GALK2: variants seen among roughly 807,000 people sequenced by gnomAD.
The protein encoded by GALK2 is N-acetylgalactosamine kinase.
Under a neutral mutation model 52.4 loss-of-function variants are expected in GALK2, and 36 were observed. The ratio of observed to expected loss-of-function variants is 0.69; its 90% CI spans 0.53 to 0.91. GALK2 has a LOEUF of 0.91. Ranked by LOEUF, GALK2 falls within the 40% of genes least tolerant of loss-of-function variation. The pLI is 0.00. For synonymous variants in GALK2, 176 were observed against 199.1 expected, an observed-to-expected ratio of 0.88 and a Z score of 0.98; for missense variants, 579 against 559.1, an observed-to-expected ratio of 1.04 and a Z score of -0.36.
chr15:49,218,347 T>A (rs1329382901), intron 3 of GALK2, among the ~76,000 whole-genome samples: 1 of 152,198 alleles, frequency 6.6e-6, no homozygotes, highest in Non-Finnish European at 1.5e-5. Context: ...GTATGAACAT[T>A]TAAAAATCGG....
At chr15:49,171,953 G>T (rs541764570) in intron 1 of GALK2, among the ~76,000 whole-genome samples, 184 of 151,944 alleles carry the variant, frequency 1.2e-3, no homozygotes, top group Non-Finnish European at 2.1e-3. Flanking sequence ...TTGTGTTTTT[G>T]GTAGAGACGG....
chr15:49,275,535 G>A (rs779375888), intron 5 of GALK2, among the ~76,000 whole-genome samples: 4 of 152,134 alleles, frequency 2.6e-5, no homozygotes, highest in Non-Finnish European at 4.4e-5. Context: ...TATGGCAGCT[G>A]ACTATAACAG....
chr15:49,335,577 G>T, downstream of GALK2: 1 of 965,664 alleles, frequency 1.0e-6, no homozygotes, highest in African/African-American at 1.6e-5. Context: ...AGGAACCAAG[G>T]GGACCGTGTG....
chr15:49,208,746 T>A (rs1266671056), intron 2 of GALK2, among the ~76,000 whole-genome samples: 1 of 152,200 alleles, frequency 6.6e-6, no homozygotes, highest in East Asian at 1.9e-4. Flanking sequence ...GTGCTGTCAG[T>A]GGAGTATTGA....
At chr15:49,178,613 G>A (rs557270168) in intron 1 of GALK2, 17 of 227,708 alleles carry the variant, frequency 7.5e-5, no homozygotes, top group African/African-American at 3.5e-4. Context: ...TTTGGGCTGG[G>A]TGGGATGTGG....
At chr15:49,308,884 G>A (rs918354735) in intron 8 of GALK2, among the ~76,000 whole-genome samples, 2 of 152,228 alleles carry the variant, frequency 1.3e-5, no homozygotes, top group Non-Finnish European at 2.9e-5. Flanking sequence ...GATGGCAGCA[G>A]CCATAGTTTT....
At chr15:49,206,377 T>G (rs548620645) in intron 2 of GALK2, among the ~76,000 whole-genome samples, 95 of 152,136 alleles carry the variant, frequency 6.2e-4, no homozygotes, top group Non-Finnish European at 1.3e-3. Flanking sequence ...TGGTGGTATT[T>G]TGATGGGGAC....
At chr15:49,325,978 C>T (rs2037411440) in intron 9 of GALK2, among the ~76,000 whole-genome samples, 1 of 152,170 alleles carries the variant, frequency 6.6e-6, no homozygotes, top group African/African-American at 2.4e-5. Flanking sequence ...TGAAAAACCA[C>T]AGCTTTCAAA....
intron 8 of GALK2, among the ~76,000 whole-genome samples, chr15:49,314,572 A>G (rs1478103205): frequency 6.6e-6 from 1 of 152,214 alleles, no homozygotes; most frequent in East Asian, 1.9e-4. Context: ...AAGGATTTGA[A>G]TTATGCATTC....
At chr15:49,271,902 C>T (rs1380508155) in intron 5 of GALK2, among the ~76,000 whole-genome samples, 1 of 152,240 alleles carries the variant, frequency 6.6e-6, no homozygotes, top group African/African-American at 2.4e-5. Context: ...GGCCATCCAG[C>T]AACGTACACG....
At chr15:49,332,622 G>C (rs1237543710), downstream of GALK2, among the ~76,000 whole-genome samples, 1 of 152,132 alleles carries the variant, frequency 6.6e-6, no homozygotes, top group Non-Finnish European at 1.5e-5. Context: ...CACAGATGAG[G>C]AAGAGAAACG....
At chr15:49,355,572 A>G (rs2043012527) in intron 3 of GALK2, among the ~76,000 whole-genome samples, 1 of 152,244 alleles carries the variant, frequency 6.6e-6, no homozygotes, top group Non-Finnish European at 1.5e-5. Context: ...CAAAGCCTCC[A>G]AGAAATATGG....
At chr15:49,302,742 A>G (rs1355354386) in intron 8 of GALK2, among the ~76,000 whole-genome samples, 1 of 152,220 alleles carries the variant, frequency 6.6e-6, no homozygotes, top group East Asian at 1.9e-4. Flanking sequence ...TTCCATAGAA[A>G]GCTAGACGAA....
rs182496418 is a variant in GALK2, at chr15:49,280,195, A to G, written c.505-1792A>G. ...GAGCAATAATAACACTGTGATTCAC[A>G]GACATGTAGATAAAAAGACAAGTAG... On this transcript the variant is annotated intron_variant, in intron 5 of 9. Coordinates refer to ENST00000560031, the MANE Select transcript of GALK2 (RefSeq NM_002044.4). Among the ~76,000 whole-genome samples the G allele has an allele frequency of 1.7e-3, 257 of 152,354 alleles. 2 individuals are homozygous for G. The highest frequency in any genetic ancestry group is 6.0e-3 in the African/African-American group (250 of 41,570).
intron 8 of GALK2, among the ~76,000 whole-genome samples, chr15:49,312,206 A>T (rs776960657): frequency 6.6e-6 from 1 of 152,076 alleles, no homozygotes; most frequent in African/African-American, 2.4e-5. Context: ...TCATTTAATG[A>T]TTTCTTTCTA....
At chr15:49,237,942 A>G (rs2090914021) in intron 4 of GALK2, among the ~76,000 whole-genome samples, 2 of 152,214 alleles carry the variant, frequency 1.3e-5, no homozygotes, top group South Asian at 4.1e-4. Flanking sequence ...GTATATCTGG[A>G]AGGAAATTTT....
At chr15:49,194,696 A>T (rs1308630889) in intron 1 of GALK2, among the ~76,000 whole-genome samples, 1 of 151,034 alleles carries the variant, frequency 6.6e-6, no homozygotes, top group Non-Finnish European at 1.5e-5. Flanking sequence ...CCCAAGTTTA[A>T]GTGATTCTCC....
exon 1 of GALK2, chr15:49,155,869 C>T: frequency 1.9e-6 from 2 of 1,039,284 alleles, no homozygotes; most frequent in Non-Finnish European, 2.9e-6. Flanking sequence ...GCGCTCGCAT[C>T]GAGCAGTTTC....
intron 6 of GALK2, 22 bp downstream of exon 6, chr15:49,282,107 A>G: frequency 1.9e-6 from 3 of 1,559,288 alleles, no homozygotes; most frequent in Non-Finnish European, 2.6e-6. Context: ...TCCAAGTAGG[A>G]ACCATTCAGA....
Sources: gnomAD v4.1 joint callset for allele counts (sites outside exome capture counted in the v4.1 genomes callset) on GRCh38, gnomAD v4.1.1 for gene constraint, MANE v1.5 for transcripts, NCBI Gene and HGNC (gene_info 2026-07-23, HGNC 2026-07-21) for gene names.